Variants in SOX5 observed in about 807,000 individuals in gnomAD.
SOX5 encodes SRY-box transcription factor 5.
A neutral mutation model predicts 92.0 loss-of-function variants in SOX5; 9 were observed. The ratio of observed to expected loss-of-function variants is 0.10; its 90% CI spans 0.06 to 0.17. The LOEUF is 0.17. Ranked by LOEUF, SOX5 falls within the 10% of genes least tolerant of loss-of-function variation. The pLI is 1.00. For synonymous variants in SOX5, 344 were observed against 336.3 expected, an observed-to-expected ratio of 1.02 and a Z score of -0.25; for missense variants, 642 against 944.5, an observed-to-expected ratio of 0.68 and a Z score of 4.20.
intron 4 of SOX5, among the ~76,000 whole-genome samples, chr12:24,020,388 C>T (rs1053099264): frequency 2.6e-5 from 4 of 152,106 alleles, no homozygotes; most frequent in Admixed American, 6.6e-5. Flanking sequence ...AAGAAACTCT[C>T]CCAGCTCAGA....
At chr12:24,554,855 CA>C (rs1231956583) in intron 1 of SOX5, among the ~76,000 whole-genome samples, 1 of 152,232 alleles carries the variant, frequency 6.6e-6, no homozygotes, top group Non-Finnish European at 1.5e-5. Flanking sequence ...ACTCAATTCT[CA>C]GTCCAATAAC....
At chr12:24,465,960 T>A (rs1375574856) in intron 1 of SOX5, among the ~76,000 whole-genome samples, 1 of 152,212 alleles carries the variant, frequency 6.6e-6, no homozygotes, top group East Asian at 1.9e-4. Flanking sequence ...CTTCGTCTAC[T>A]AATAATACTA....
At chr12:23,719,233 T>C (rs1353486305) in intron 6 of SOX5, among the ~76,000 whole-genome samples, 2 of 152,204 alleles carry the variant, frequency 1.3e-5, no homozygotes, top group African/African-American at 4.8e-5. Flanking sequence ...AGCACAGATT[T>C]ATTGGATGAA....
intron 1 of SOX5, among the ~76,000 whole-genome samples, chr12:24,382,139 T>C (rs1957886230): frequency 6.6e-6 from 1 of 152,182 alleles, no homozygotes; most frequent in Non-Finnish European, 1.5e-5. Flanking sequence ...CATATGTATA[T>C]ACACACATTA....
At chr12:24,348,049 C>CAAAAAAAAAAAAAAAAAAAAAAA (rs1182462748) in intron 2 of SOX5, among the ~76,000 whole-genome samples, 1 of 72,716 alleles carries the variant, frequency 1.4e-5, no homozygotes, top group Non-Finnish European at 2.9e-5. Flanking sequence ...TACAGCTAAT[C>CAAAAAAAAAAAAAAAAAAAAAAA]AAAAAAAAAA....
chr12:24,526,293 G>A (rs1950704855), intron 1 of SOX5, among the ~76,000 whole-genome samples: 1 of 151,800 alleles, frequency 6.6e-6, no homozygotes, highest in Non-Finnish European at 1.5e-5. Context: ...AAGTTAGCAG[G>A]TTGATGCAAA....
At chr12:24,245,238 T>C (rs755685101) in intron 3 of SOX5, among the ~76,000 whole-genome samples, 2 of 27,032 alleles carry the variant, frequency 7.4e-5, no homozygotes, top group Non-Finnish European at 2.4e-4. Context: ...GAGAGATTTG[T>C]GTGTGTGTGT....
At chr12:24,062,211 C>G (rs1939862799) in intron 4 of SOX5, among the ~76,000 whole-genome samples, 1 of 152,118 alleles carries the variant, frequency 6.6e-6, no homozygotes, top group South Asian at 2.1e-4. Context: ...GAAAAGTCTC[C>G]TCTCACTTCA....
intron 1 of SOX5, among the ~76,000 whole-genome samples, chr12:23,946,625 ACTT>A (rs1944632916): frequency 6.6e-6 from 1 of 151,974 alleles, no homozygotes; most frequent in African/African-American, 2.4e-5. Context: ...AAATTTATTG[ACTT>A]CTTTTAAAAA....
chr12:23,953,795 C>T (rs1013817857), upstream of SOX5, among the ~76,000 whole-genome samples: 3 of 151,878 alleles, frequency 2.0e-5, no homozygotes, highest in East Asian at 1.9e-4. Context: ...CAGAGATGAC[C>T]AAAGTGCAAC....
At chr12:24,197,189 T>C (rs73281073) in intron 4 of SOX5, among the ~76,000 whole-genome samples, 1 of 152,328 alleles carries the variant, frequency 6.6e-6, no homozygotes, top group African/African-American at 2.4e-5. Flanking sequence ...GGGTGATGCC[T>C]CAGGTTTTCA....
intron 7 of SOX5, among the ~76,000 whole-genome samples, chr12:23,643,418 G>A (rs942347400): frequency 6.6e-6 from 1 of 152,200 alleles, no homozygotes; most frequent in Non-Finnish European, 1.5e-5. Flanking sequence ...TATCCAGGTT[G>A]AGGTATTTAT....
At chr12:23,951,427 A>G (rs1174532592), upstream of SOX5, among the ~76,000 whole-genome samples, 1 of 151,492 alleles carries the variant, frequency 6.6e-6, no homozygotes, top group African/African-American at 2.4e-5. Context: ...ACCCCACGGC[A>G]GTTTGATTAG....
intron 2 of SOX5, among the ~76,000 whole-genome samples, chr12:23,860,960 A>AC (rs1568416171): frequency 3.3e-5 from 2 of 60,240 alleles, no homozygotes; most frequent in Admixed American, 1.5e-4. Context: ...TGTAAAAAAA[A>AC]AAAAAAAAAA....
chr12:24,310,633 G>A (rs1949074623), intron 2 of SOX5, among the ~76,000 whole-genome samples: 1 of 151,938 alleles, frequency 6.6e-6, no homozygotes, highest in South Asian at 2.1e-4. Context: ...CTATTTCCAT[G>A]GAAAAACAAG....
chr12:24,067,187 G>A (rs977194891), intron 4 of SOX5, among the ~76,000 whole-genome samples: 2 of 152,166 alleles, frequency 1.3e-5, no homozygotes, highest in African/African-American at 4.8e-5. Flanking sequence ...TGCCAGTGGA[G>A]GCTAAGCAGA....
At chr12:23,870,352 G>C (rs2096859610) in intron 2 of SOX5, among the ~76,000 whole-genome samples, 1 of 151,970 alleles carries the variant, frequency 6.6e-6, no homozygotes, top group Non-Finnish European at 1.5e-5. Context: ...TACAGGAATG[G>C]GGCAAAAGCA....
At chr12:23,755,125 AC>A (rs2094321807) in intron 4 of SOX5, among the ~76,000 whole-genome samples, 1 of 151,810 alleles carries the variant, frequency 6.6e-6, no homozygotes, top group Admixed American at 6.6e-5. Context: ...GTTTTATAGA[AC>A]TTTTCTTAGC....
chr12:24,202,911 T>C (rs1957665617), intron 4 of SOX5, among the ~76,000 whole-genome samples: 1 of 152,208 alleles, frequency 6.6e-6, no homozygotes, highest in Non-Finnish European at 1.5e-5. Flanking sequence ...CCTTTTATAA[T>C]TAATAAGTAT....
Sources: gnomAD v4.1 joint callset for allele counts (sites outside exome capture counted in the v4.1 genomes callset) on GRCh38, gnomAD v4.1.1 for gene constraint, MANE v1.5 for transcripts, NCBI Gene and HGNC (gene_info 2026-07-23, HGNC 2026-07-21) for gene names.